The following RABEP1 variants were observed in gnomAD, a reference collection of about 807,000 sequenced individuals.
The protein encoded by RABEP1 is rabaptin, RAB GTPase binding effector protein 1.
A neutral mutation model predicts 123.4 loss-of-function variants in RABEP1; 51 were observed. That is an observed-to-expected ratio of 0.41 (90% CI 0.33 to 0.52). The LOEUF (loss-of-function observed/expected upper bound fraction) is 0.52. Among genes scored for constraint, RABEP1 ranks in the 20% least tolerant of loss-of-function variants. RABEP1 has a pLI of 0.16. For missense variants in RABEP1, 888 were observed against 996.3 expected, an observed-to-expected ratio of 0.89 and a Z score of 1.46; for synonymous variants, 347 against 355.2, an observed-to-expected ratio of 0.98 and a Z score of 0.26.
chr17:5,322,516 C>G (rs1200556741), intron 2 of RABEP1, among the ~76,000 whole-genome samples: 1 of 152,070 alleles, frequency 6.6e-6, no homozygotes, highest in Non-Finnish European at 1.5e-5. Flanking sequence ...GTGAGAGAGA[C>G]TGCAATACAA....
In RABEP1 at chr17:5,299,724, TC is replaced by T. The variant is rs1486865366; in HGVS notation, c.35-8969del. On this transcript the variant is annotated intron_variant, in intron 1 of 17. Coordinates refer to ENST00000537505, the MANE Select transcript of RABEP1 (RefSeq NM_004703.6). Reference sequence around the variant, plus strand: ...TCTTTTTCTTTTTTTCTTTTCTTTTTCTTTTTCTTTTTTTTTTTTTTTTGGA... The same window carrying T: ...TCTTTTTCTTTTTTTCTTTTCTTTTTTTTTTCTTTTTTTTTTTTTTTTGGA... Among the ~76,000 whole-genome samples the T allele has an allele frequency of 7.7e-3, 890 of 116,074 alleles. 28 individuals are homozygous for T. The highest frequency in any genetic ancestry group is 0.064 in the East Asian group (164 of 2,578). The allele number at this position is 116,074 out of a possible 152,430, so 76.1% of individuals were successfully genotyped here.
chr17:5,287,407 TG>T (rs1430740534), intron 1 of RABEP1, among the ~76,000 whole-genome samples: 1 of 152,068 alleles, frequency 6.6e-6, no homozygotes, highest in African/African-American at 2.4e-5. Context: ...CAGACCAGCC[TG>T]GCCAACATGG....
At chr17:5,292,067 A>C (rs543298699) in intron 1 of RABEP1, among the ~76,000 whole-genome samples, 2 of 152,312 alleles carry the variant, frequency 1.3e-5, no homozygotes, top group South Asian at 2.1e-4. Flanking sequence ...TCTGGATCTG[A>C]AGTATGACAT....
intron 6 of RABEP1, among the ~76,000 whole-genome samples, chr17:5,349,303 T>G (rs1385892952): frequency 6.6e-6 from 1 of 152,226 alleles, no homozygotes; most frequent in Non-Finnish European, 1.5e-5. Context: ...TGTAGTTGTT[T>G]AAGTCATAAG....
intron 5 of RABEP1, among the ~76,000 whole-genome samples, chr17:5,342,579 C>A (rs1187577837): frequency 1.3e-5 from 2 of 152,178 alleles, no homozygotes; most frequent in East Asian, 3.9e-4. Flanking sequence ...GCACTCCAGC[C>A]TGGGCAGTAG....
chr17:5,370,488 T>C (rs1910440091), intron 12 of RABEP1, among the ~76,000 whole-genome samples: 1 of 152,238 alleles, frequency 6.6e-6, no homozygotes, highest in Non-Finnish European at 1.5e-5. Context: ...TATTTCATCT[T>C]GTTGCCATGT....
intron 5 of RABEP1, among the ~76,000 whole-genome samples, chr17:5,338,580 AT>A (rs1211611791): frequency 6.6e-6 from 1 of 152,168 alleles, no homozygotes; most frequent in Non-Finnish European, 1.5e-5. Flanking sequence ...ATAATAAAAA[AT>A]AAATTTAAAT....
At chr17:5,364,710 C>CAAA (rs200314940) in intron 10 of RABEP1, among the ~76,000 whole-genome samples, 1 of 112,608 alleles carries the variant, frequency 8.9e-6, no homozygotes, top group Non-Finnish European at 2.0e-5. Flanking sequence ...ACTCTTGTCT[C>CAAA]AAAAAAAAAA....
intron 1 of RABEP1, among the ~76,000 whole-genome samples, chr17:5,304,778 T>C (rs945753864): frequency 4.5e-4 from 68 of 152,286 alleles, no homozygotes; most frequent in Non-Finnish European, 5.1e-4. Context: ...AGTTTGTTCA[T>C]GATGCTATAA....
At chr17:5,341,872 C>T (rs1907644476) in intron 5 of RABEP1, among the ~76,000 whole-genome samples, 1 of 152,200 alleles carries the variant, frequency 6.6e-6, no homozygotes, top group African/African-American at 2.4e-5. Context: ...AATTTGACCA[C>T]TCAATAACTT....
intron 2 of RABEP1, among the ~76,000 whole-genome samples, chr17:5,312,482 T>C (rs2144535253): frequency 6.6e-6 from 1 of 152,266 alleles, no homozygotes; most frequent in African/African-American, 2.4e-5. Flanking sequence ...AACAGGACAA[T>C]GAACCATAGT....
chr17:5,335,086 T>C (rs1906935597), intron 3 of RABEP1, 98 bp from the exon 4 acceptor site: 1 of 996,978 alleles, frequency 1.0e-6, no homozygotes, highest in Non-Finnish European at 1.4e-6. Context: ...TTCCAGAAAT[T>C]AGACGTAAGC....
intron 2 of RABEP1, among the ~76,000 whole-genome samples, chr17:5,320,303 A>G (rs1185213681): frequency 2.0e-5 from 3 of 151,966 alleles, no homozygotes; most frequent in Non-Finnish European, 4.4e-5. Flanking sequence ...TCAAATATGA[A>G]GGAGAGATAC....
rs145662283 is a variant in RABEP1 at position 5,385,488 on chromosome 17, T to C, written c.*2265T>C. ...CAGATATAGTAGTACCTTTCAGAAC[T>C]CACATTGGCAAGTGTAAAAAGATGA... On this transcript the variant is annotated 3_prime_UTR_variant, in exon 18 of 18. Coordinates refer to ENST00000537505, the MANE Select transcript of RABEP1 (RefSeq NM_004703.6). The C allele has an allele frequency of 2.3e-4, 54 of 230,626 alleles. No homozygotes were observed. In the Middle Eastern group the frequency reaches 3.9e-3, roughly 17 times the overall value. 14.3% of individuals were successfully genotyped at this position (230,626 alleles called of 1,614,324 possible).
chr17:5,360,756 C>T (rs530016087), intron 8 of RABEP1, among the ~76,000 whole-genome samples: 3 of 152,218 alleles, frequency 2.0e-5, no homozygotes, highest in African/African-American at 7.2e-5. Flanking sequence ...AAGTCTCTAT[C>T]GAAAGACTTC....
intron 12 of RABEP1, among the ~76,000 whole-genome samples, chr17:5,371,839 C>G (rs1027609333): frequency 2.6e-5 from 4 of 152,136 alleles, no homozygotes; most frequent in Admixed American, 6.5e-5. Context: ...TCTTTCTCCT[C>G]TATTGGACCA....
At chr17:5,375,763 ACT>A (rs1910941317) in intron 13 of RABEP1, among the ~76,000 whole-genome samples, 1 of 151,978 alleles carries the variant, frequency 6.6e-6, no homozygotes. Context: ...GCTTAAAATC[ACT>A]GTTTACCACC....
intron 11 of RABEP1, among the ~76,000 whole-genome samples, chr17:5,366,618 G>A (rs1910018279): frequency 6.6e-6 from 1 of 151,534 alleles, no homozygotes; most frequent in Admixed American, 6.6e-5. Flanking sequence ...GCTAATTTTT[G>A]TAGTTTTAGT....
At chr17:5,308,662 A>G (rs1179669813) in intron 1 of RABEP1, 32 bp from the exon 2 acceptor site, 1 of 1,587,182 alleles carries the variant, frequency 6.3e-7, no homozygotes, top group African/African-American at 1.4e-5. Flanking sequence ...AATAAAAGTT[A>G]TTACTTGTTA....
Sources: allele counts gnomAD v4.1 joint callset (sites outside exome capture counted in the v4.1 genomes callset), GRCh38; gene constraint gnomAD v4.1.1; transcripts MANE v1.5; gene names NCBI Gene and HGNC (gene_info 2026-07-23, HGNC 2026-07-21).